The following BCR variants were observed in gnomAD, a reference collection of about 807,000 sequenced individuals.
The protein encoded by BCR is BCR activator of RhoGEF and GTPase.
BCR carries 58 observed loss-of-function variants against 138.6 expected under a neutral mutation model. The observed-to-expected ratio is 0.42, with a 90% confidence interval of 0.34 to 0.52. The LOEUF (loss-of-function observed/expected upper bound fraction) is 0.52, where lower values mean the gene tolerates loss of function less well. BCR is among the 20% of genes least tolerant of loss of function. BCR has a pLI of 0.06. For synonymous variants in BCR, 786 were observed against 730.1 expected (o/e 1.08, Z -1.23); for missense variants, 1,599 against 1,727.2 (o/e 0.93, Z 1.32).
intron 4 of BCR, chr22:23,263,351 C>T (rs967855024): frequency 1.8e-5 from 21 of 1,199,840 alleles, no homozygotes; most frequent in Admixed American, 1.2e-4. Context: ...TAGCCTGGGC[C>T]TCGCTCAACT....
rs2074067095 is a variant in BCR, at chr22:23,315,894, A to T, written c.*372A>T. ...GTCAAGATGCGCCCTCTCTGGGGAG[A>T]AGGGAACGTGACTGGATTCCCTCAC... is the stretch of plus-strand genomic sequence containing the variant. On this transcript the variant is annotated 3_prime_UTR_variant, in exon 23 of 23. Coordinates refer to ENST00000305877, the MANE Select transcript of BCR (RefSeq NM_004327.4). 1 of 424,510 alleles carries T rather than the reference A, an allele frequency of 2.4e-6. No individual in the cohort carries two copies. The highest frequency in any genetic ancestry group is 4.5e-6 in the Non-Finnish European group (1 of 223,350). 26.3% of individuals were successfully genotyped at this position (424,510 alleles called of 1,614,324 possible).
At chr22:23,250,219 A>G (rs1311813501) in intron 1 of BCR, among the ~76,000 whole-genome samples, 1 of 152,198 alleles carries the variant, frequency 6.6e-6, no homozygotes, top group Non-Finnish European at 1.5e-5. Flanking sequence ...CTCGGTGTTG[A>G]CTTGACCTTA....
At chr22:23,290,538 C>A in intron 14 of BCR, 125 bp downstream of exon 14, 1 of 979,758 alleles carries the variant, frequency 1.0e-6, no homozygotes, top group Non-Finnish European at 1.6e-6. Flanking sequence ...CACCTTTGAC[C>A]CTGGCCGCTG....
intron 1 of BCR, chr22:23,198,286 C>A: frequency 2.2e-6 from 1 of 449,390 alleles, no homozygotes; most frequent in Non-Finnish European, 4.4e-6. Context: ...TCGGCCTGCT[C>A]TGTTCCGGGG....
At chr22:23,284,360 A>G (rs2073685667) in intron 9 of BCR, among the ~76,000 whole-genome samples, 1 of 152,124 alleles carries the variant, frequency 6.6e-6, no homozygotes, top group South Asian at 2.1e-4. Context: ...AGGTCACCTC[A>G]GGACCCATCC....
intron 1 of BCR, among the ~76,000 whole-genome samples, chr22:23,244,128 A>G (rs1204716051): frequency 6.6e-6 from 1 of 152,194 alleles, no homozygotes; most frequent in Non-Finnish European, 1.5e-5. Flanking sequence ...TTACTGGCAG[A>G]ATGGAATTAA....
At chr22:23,206,296 T>C (rs1290891008) in intron 1 of BCR, among the ~76,000 whole-genome samples, 2 of 152,090 alleles carry the variant, frequency 1.3e-5, no homozygotes, top group Non-Finnish European at 2.9e-5. Flanking sequence ...GAAAATAGGC[T>C]GGGGGCGGTG....
intron 1 of BCR, among the ~76,000 whole-genome samples, chr22:23,218,908 G>A (rs890472488): frequency 1.3e-5 from 2 of 152,240 alleles, no homozygotes; most frequent in African/African-American, 2.4e-5. Context: ...GCCCCTTGCC[G>A]AGGGTGAGGT....
chr22:23,277,892 A>G (rs116610920), intron 8 of BCR, among the ~76,000 whole-genome samples: 5,439 of 152,246 alleles, frequency 0.036, 148 homozygotes, highest in African/African-American at 0.063. Flanking sequence ...CAGGTGCTCC[A>G]GCTTCCTGGC....
chr22:23,245,591 CAAG>C (rs779793519), intron 1 of BCR, among the ~76,000 whole-genome samples: 51 of 152,146 alleles, frequency 3.4e-4, no homozygotes, highest in Non-Finnish European at 6.6e-4. Flanking sequence ...GGCGTGGATG[CAAG>C]AAGGGGCAGC....
intron 2 of BCR, among the ~76,000 whole-genome samples, chr22:23,256,999 C>T (rs571322799): frequency 1.3e-5 from 2 of 152,268 alleles, no homozygotes; most frequent in East Asian, 3.9e-4. Context: ...CGGCTTCCTA[C>T]CCGCCCCAGC....
At chr22:23,273,563 C>G (rs965582462) in intron 7 of BCR, 71 bp from the exon 8 acceptor site, 1 of 1,598,060 alleles carries the variant, frequency 6.3e-7, no homozygotes, top group African/African-American at 1.3e-5. Flanking sequence ...CACTTTGTGT[C>G]TGCACTTTGC....
intron 16 of BCR, among the ~76,000 whole-genome samples, chr22:23,298,900 C>G (rs1254381502): frequency 6.6e-6 from 1 of 151,898 alleles, no homozygotes; most frequent in Non-Finnish European, 1.5e-5. Context: ...ACCCAGCCTC[C>G]TCACCTTTAA....
At chr22:23,182,332 G>A (rs1433878214) in intron 1 of BCR, 93 bp downstream of exon 1, 2 of 1,378,006 alleles carry the variant, frequency 1.5e-6, no homozygotes, top group Non-Finnish European at 1.9e-6. Context: ...TGGGAGGGAG[G>A]AGTGGATAGT....
rs141268094 is a variant in BCR, at chr22:23,316,185, A to T, written c.*663A>T. 2 of 132,750 alleles carry T rather than the reference A, an allele frequency of 1.5e-5. No individual in the cohort carries two copies. The highest frequency in any genetic ancestry group is 2.7e-5 in the Non-Finnish European group (2 of 74,526). The allele number at this position is 132,750 out of a possible 1,614,324, so 8.2% of individuals were successfully genotyped here. A position where few individuals can be genotyped will look rare whatever the true frequency, so the allele number is the denominator to read the frequency against. On this transcript the variant is annotated 3_prime_UTR_variant, in exon 23 of 23. Coordinates refer to ENST00000305877, the MANE Select transcript of BCR (RefSeq NM_004327.4). ...CAGCTCAGAAGGCCTGTGAAATGTC[A>T]GGGGACAGGACCCCCAGGGAGGGAA... is the stretch of plus-strand genomic sequence containing the variant.
At position 23,309,496 on chromosome 22, in the gene BCR, G is replaced by A; in HGVS notation, c.3072+13G>A. 1.3e-6 allele frequency: 2 copies of A among 1,587,224 alleles called. No homozygotes were observed. The highest frequency in any genetic ancestry group is 1.7e-6 in the Non-Finnish European group (2 of 1,165,432). On this transcript the variant is annotated intron_variant, in intron 17 of 22. Coordinates refer to ENST00000305877, the MANE Select transcript of BCR (RefSeq NM_004327.4). The stretch of plus-strand genomic sequence containing the variant: ...CGCCATGAATGGGGTACGTGTCCGT[G>A]GGACTCTCCTGGTGCCCACTTCCCC...
chr22:23,226,063 C>G (rs79483581), intron 1 of BCR, among the ~76,000 whole-genome samples: 4,639 of 152,324 alleles, frequency 0.03, 258 homozygotes, highest in African/African-American at 0.11. Context: ...CCTGGGTCCC[C>G]TGGCAGGGTG....
intron 4 of BCR, chr22:23,264,997 G>A (rs1477941977): frequency 6.6e-6 from 1 of 151,824 alleles, no homozygotes; most frequent in African/African-American, 2.4e-5. Context: ...GAAAAAAAAA[G>A]AAAAAAAACC....
chr22:23,199,255 G>T (rs769842444), intron 1 of BCR: 1 of 518,586 alleles, frequency 1.9e-6, no homozygotes, highest in Non-Finnish European at 3.8e-6. Context: ...TCTCTTCTCT[G>T]TGCAAGAGCC....
Sources: gnomAD v4.1 joint callset for allele counts (sites outside exome capture counted in the v4.1 genomes callset) on GRCh38, gnomAD v4.1.1 for gene constraint, MANE v1.5 for transcripts, NCBI Gene and HGNC (gene_info 2026-07-23, HGNC 2026-07-21) for gene names.